Variants in ARSH observed in about 807,000 individuals in gnomAD.
ARSH encodes the protein arylsulfatase H.
ARSH carries 32 observed loss-of-function variants against 28.7 expected under a neutral mutation model. The observed-to-expected ratio is 1.11, with a 90% CI of 0.84 to 1.50. The LOEUF (loss-of-function observed/expected upper bound fraction) is 1.50. Among genes scored for constraint, ARSH ranks in the 40% most tolerant of loss-of-function variants. The pLI is 0.00. For synonymous variants in ARSH, 176 were observed against 177.3 expected (o/e 0.99, Z 0.06); for missense variants, 440 against 452.4 (o/e 0.97, Z 0.25).
At chrX:3,012,568 A>AATATATATATATATATAT (rs1183166715) in intron 2 of ARSH, among the ~76,000 whole-genome samples, 1 of 21,812 alleles carries the variant, frequency 4.6e-5, no homozygotes, top group African/African-American at 2.5e-4. Flanking sequence ...AAAAAAAAAA[A>AATATATATATATATATAT]ATATATATAT....
At chrX:3,032,864 TTA>T (rs1384038393) in intron 8 of ARSH, among the ~76,000 whole-genome samples, 152 bp from the exon 9 acceptor site, 1 of 112,254 alleles carries the variant, frequency 8.9e-6, no homozygotes, top group Non-Finnish European at 1.9e-5. Context: ...TGCATTGTTC[TTA>T]GAGTTGAAGA....
Position 3,031,132 on chromosome X carries a change from C to CA in ARSH, c.1321+1778dup, listed in dbSNP as rs145181081. Among the ~76,000 whole-genome samples the CA allele has an allele frequency of 3.7e-3, 366 of 98,986 alleles. 1 individual carries two copies. The highest frequency in any genetic ancestry group is 0.012 in the African/African-American group (331 of 26,965). The allele number at this position is 98,986 out of a possible 115,157, so 86.0% of individuals were successfully genotyped here. On this transcript the variant is annotated intron_variant, in intron 8 of 8. Transcript: ENST00000381130. ...TGGGCAACAAAGTGAGACACTGTCT[C>CA]AAAAAAAAAAAAAAGTCAAAACATT...
intron 8 of ARSH, among the ~76,000 whole-genome samples, chrX:3,031,182 C>T (rs2089913030): frequency 9.1e-6 from 1 of 109,331 alleles, no homozygotes; most frequent in Admixed American, 9.9e-5. Context: ...ATTAAGACAA[C>T]ATGATTAATG....
At chrX:3,015,473 A>G (rs757503492) in intron 4 of ARSH, 80 bp downstream of exon 4, 24 of 973,076 alleles carry the variant, frequency 2.5e-5, no homozygotes, top group Non-Finnish European at 3.3e-5. Context: ...CCTTGATAAC[A>G]TGGGCCTTTA....
At position 3,012,568 on chromosome X, in the gene ARSH, AATATAT is replaced by A. The variant is rs1183166715; in HGVS notation, c.215-453_215-448del. ...AAAAAAAAAAAAAAAAAAAAAAAAA[AATATAT>A]ATATATATATATATATATATATATA... On this transcript the variant is annotated intron_variant, in intron 2 of 8. Coordinates refer to ENST00000381130, the MANE Select transcript of ARSH (RefSeq NM_001011719.2). 4.6e-3 allele frequency among the ~76,000 whole-genome samples: 101 copies of A among 21,797 alleles called. 3 individuals carry two copies. The highest frequency in any genetic ancestry group is 0.023 in the African/African-American group (90 of 3,993). The allele number at this position is 21,797 out of a possible 115,157, so 18.9% of individuals were successfully genotyped here. A position where few individuals can be genotyped will look rare whatever the true frequency, so the allele number is the denominator to read the frequency against.
In ARSH at chrX:3,027,451, G is replaced by A. The variant is rs770008183; in HGVS notation, c.1175G>A (p.Gly392Asp). 1.2e-5 allele frequency: 14 copies of A among 1,209,640 alleles called. No individual in the cohort carries two copies. The East Asian group carries it at 2.7e-4, about 23-fold the overall frequency. ...MDIYPTLSYI[G>D]GGILSQDRVI... ...ATCTATCCGACGCTGTCTTATATAG[G>A]CGGAGGGATCTTGTCCCAGGACAGG... Residue 392 changes from glycine to aspartate, a missense_variant, in exon 7 of 9, where the codon GGC becomes GAC. Physicochemically the swap from Gly to Asp is moderately conservative, Grantham distance 94. Transcript: ENST00000381130.
At position 3,029,890 on chromosome X, in the gene ARSH, T is replaced by C. The variant is rs73635391; in HGVS notation, c.1321+522T>C. Among the ~76,000 whole-genome samples, 979 of 111,266 alleles carry C rather than the reference T, an allele frequency of 8.8e-3. 13 individuals carry two copies. Among genetic ancestry groups the C allele is most frequent in the African/African-American group, 0.031 (953 of 30,686 alleles). ...GAGATTTGTGCCCAAAGGGTTTTATTTTAAATTTTTAAAATATTTATAAAA... is the reference window on the plus strand; with the variant it reads ...GAGATTTGTGCCCAAAGGGTTTTATCTTAAATTTTTAAAATATTTATAAAA... On this transcript the variant is annotated intron_variant, in intron 8 of 8. Transcript: ENST00000381130.
intron 5 of ARSH, among the ~76,000 whole-genome samples, chrX:3,020,274 CAAAAAAAAAAAAA>C (rs59713321): frequency 7.2e-5 from 1 of 13,845 alleles, no homozygotes; most frequent in Non-Finnish European, 1.0e-4. Context: ...GACCCCGTCT[CAAAAAAAAAAAAA>C]AAAAAAAAAA....
intron 6 of ARSH, 82 bp downstream of exon 6, chrX:3,024,237 C>CAAG: frequency 1.1e-6 from 1 of 950,709 alleles, no homozygotes; most frequent in Non-Finnish European, 1.4e-6. Context: ...AATTCATTTG[C>CAAG]CATGATGTTC....
At chrX:3,024,880 G>T (rs1292381173) in intron 6 of ARSH, among the ~76,000 whole-genome samples, 2 of 110,317 alleles carry the variant, frequency 1.8e-5, no homozygotes. Flanking sequence ...AAAGAATTCT[G>T]CATTCGCTAT....
intron 8 of ARSH, among the ~76,000 whole-genome samples, chrX:3,032,049 G>T (rs764928106): frequency 9.0e-6 from 1 of 111,631 alleles, no homozygotes; most frequent in East Asian, 2.8e-4. Flanking sequence ...CAGCTTCTCT[G>T]CAAGACCCCA....
chrX:3,022,897 A>C (rs950028202), intron 5 of ARSH, among the ~76,000 whole-genome samples: 3 of 110,680 alleles, frequency 2.7e-5, no homozygotes, highest in East Asian at 2.8e-4. Context: ...TCATTTTGCA[A>C]ACTGTATTTT....
At chrX:3,022,296 A>G (rs1414743532) in intron 5 of ARSH, among the ~76,000 whole-genome samples, 1 of 111,972 alleles carries the variant, frequency 8.9e-6, no homozygotes, top group East Asian at 2.8e-4. Flanking sequence ...GTGAATTGAT[A>G]ATTTACATAT....
chrX:3,026,340 G>T (rs745346556), intron 6 of ARSH, among the ~76,000 whole-genome samples: 4 of 111,331 alleles, frequency 3.6e-5, no homozygotes, highest in Non-Finnish European at 7.5e-5. Context: ...ATGGTGCCAA[G>T]AAGCTGAGCT....
intron 5 of ARSH, among the ~76,000 whole-genome samples, chrX:3,019,177 A>T (rs944271071): frequency 9.3e-6 from 1 of 107,997 alleles, no homozygotes; most frequent in African/African-American, 3.4e-5. Flanking sequence ...AGGCAGGAGA[A>T]TCACTTGGAT....
At chrX:3,012,571 ATATATAT>A (rs2089851489) in intron 2 of ARSH, among the ~76,000 whole-genome samples, 1 of 17,579 alleles carries the variant, frequency 5.7e-5, no homozygotes, top group African/African-American at 2.9e-4. Flanking sequence ...AAAAAAAAAT[ATATATAT>A]ATATATATAT....
chrX:3,025,490 C>T (rs908056015), intron 6 of ARSH, among the ~76,000 whole-genome samples: 16 of 105,521 alleles, frequency 1.5e-4, no homozygotes, highest in African/African-American at 4.8e-4. Flanking sequence ...GTATACATAA[C>T]CCTACACATA....
Position 3,033,143 on chromosome X carries a change from T to G in ARSH, c.1447T>G (p.Phe483Val), listed in dbSNP as rs758847953. The G allele has an allele frequency of 7.4e-6, 9 of 1,211,645 alleles. No homozygotes were observed. The highest frequency in any genetic ancestry group is 1.0e-5 in the Non-Finnish European group (9 of 895,521). The change falls in exon 9 of 9, where the codon TTT (phenylalanine) becomes GTT (valine). Residue 483 changes from phenylalanine (F) to valine (V), a missense_variant. Coordinates refer to ENST00000381130, the MANE Select transcript of ARSH (RefSeq NM_001011719.2). ...DVTYHDPPLL[F>V]DISRDPSEAL... is the part of the protein sequence containing the mutation. ...AACCTACCACGACCCACCACTCCTC[T>G]TTGACATCTCAAGAGACCCTTCAGA...
chrX:3,030,319 C>A (rs888059052), intron 8 of ARSH, among the ~76,000 whole-genome samples: 1 of 111,196 alleles, frequency 9.0e-6, no homozygotes, highest in African/African-American at 3.3e-5. Flanking sequence ...CCCCTAGCTG[C>A]CTGGTACCCG....
Sources: allele counts gnomAD v4.1 joint callset (sites outside exome capture counted in the v4.1 genomes callset), GRCh38; gene constraint gnomAD v4.1.1; transcripts MANE v1.5; gene names NCBI Gene and HGNC (gene_info 2026-07-23, HGNC 2026-07-21).